The following ANXA8 variants were observed in gnomAD, a reference collection of about 807,000 sequenced individuals.
ANXA8 encodes VAC-beta.
Under a neutral mutation model 26.8 loss-of-function variants are expected in ANXA8, and 9 were observed. That is an observed-to-expected ratio of 0.34 (90% confidence interval 0.20 to 0.59). The LOEUF is 0.59. Among genes scored for constraint, ANXA8 ranks in the 20% least tolerant of loss-of-function variants. ANXA8 has a pLI of 0.84. For missense variants in ANXA8, 83 were observed against 238.5 expected (o/e 0.35, Z 4.29); for synonymous variants, 39 against 94.8 (o/e 0.41, Z 3.42).
chr10:47,603,531 A>G, the ANXA8 span, among the ~76,000 whole-genome samples: 3 of 139,186 alleles, frequency 2.2e-5, no homozygotes, highest in Admixed American at 7.0e-5. Context: ...TTTTTTTTTG[A>G]GACGGAGTCT....
the ANXA8 span, among the ~76,000 whole-genome samples, chr10:47,686,019 G>T: frequency 6.7e-6 from 1 of 150,054 alleles, no homozygotes; most frequent in Admixed American, 6.6e-5. Context: ...CCTATTTTGG[G>T]GTGGGGAATG....
the ANXA8 span, among the ~76,000 whole-genome samples, chr10:47,656,310 A>T: frequency 6.6e-6 from 1 of 151,342 alleles, no homozygotes; most frequent in African/African-American, 2.5e-5. Flanking sequence ...AGGTGGGAGG[A>T]TCTCTTGAGC....
At chr10:47,591,592 C>T in the ANXA8 span, among the ~76,000 whole-genome samples, 4 of 142,516 alleles carry the variant, frequency 2.8e-5, no homozygotes, top group East Asian at 2.0e-4. Flanking sequence ...TACAGGCACC[C>T]GCCACCAGGC....
the ANXA8 span, among the ~76,000 whole-genome samples, chr10:47,579,089 C>T: frequency 4.8e-5 from 7 of 146,710 alleles, no homozygotes; most frequent in African/African-American, 1.3e-4. Flanking sequence ...GTGATCCACC[C>T]GCCTCGGCCT....
chr10:47,525,802 ATT>A, the ANXA8 span, among the ~76,000 whole-genome samples: 32 of 80,512 alleles, frequency 4.0e-4, no homozygotes, highest in East Asian at 6.1e-3. Flanking sequence ...GCTGAACACT[ATT>A]TTTTTTTTTT....
chr10:47,497,384 G>T, the ANXA8 span, among the ~76,000 whole-genome samples: 3 of 135,616 alleles, frequency 2.2e-5, no homozygotes, highest in African/African-American at 2.8e-5. Flanking sequence ...GGGAGGCCAA[G>T]GTGGGTGGAT....
At chr10:47,696,860 T>C in the ANXA8 span, among the ~76,000 whole-genome samples, 1 of 151,042 alleles carries the variant, frequency 6.6e-6, no homozygotes, top group Non-Finnish European at 1.5e-5. Flanking sequence ...CTTATAATTC[T>C]AAAGCATTCC....
At chr10:47,941,644 A>G in the ANXA8 span, among the ~76,000 whole-genome samples, 1 of 145,194 alleles carries the variant, frequency 6.9e-6, no homozygotes, top group Admixed American at 6.7e-5. Flanking sequence ...GTCTCAAAAA[A>G]AGAAAAAAAA....
the ANXA8 span, among the ~76,000 whole-genome samples, chr10:47,965,976 G>T: frequency 1.0e-5 from 1 of 98,550 alleles, no homozygotes; most frequent in South Asian, 4.3e-4. Context: ...TGGGGGAATT[G>T]TTCCACCCTG....
the ANXA8 span, among the ~76,000 whole-genome samples, chr10:47,891,591 TAGAA>T: frequency 8.7e-4 from 1 of 1,148 alleles, no homozygotes; most frequent in African/African-American, 3.6e-3. Flanking sequence ...TACAAATAAA[TAGAA>T]AAAAAAAAAA....
At chr10:47,744,588 T>C in the ANXA8 span, among the ~76,000 whole-genome samples, 1 of 151,584 alleles carries the variant, frequency 6.6e-6, no homozygotes, top group Non-Finnish European at 1.5e-5. Context: ...GGCAGGTGAT[T>C]TGGGCAAATA....
the ANXA8 span, among the ~76,000 whole-genome samples, chr10:47,610,666 G>A: frequency 6.7e-5 from 10 of 149,296 alleles, no homozygotes; most frequent in Non-Finnish European, 1.2e-4. Context: ...TGCAGACAAA[G>A]TTGACTATAC....
At chr10:47,728,958 TAGTC>T in the ANXA8 span, among the ~76,000 whole-genome samples, 1 of 152,188 alleles carries the variant, frequency 6.6e-6, no homozygotes, top group Non-Finnish European at 1.5e-5. Flanking sequence ...TTCTCTATGT[TAGTC>T]AGGCTGGTCT....
chr10:47,566,643 GGT>G, the ANXA8 span, among the ~76,000 whole-genome samples: 1 of 145,294 alleles, frequency 6.9e-6, no homozygotes, highest in Non-Finnish European at 1.5e-5. Context: ...TGGGCCCCAT[GGT>G]GCCAGGGCGT....
chr10:47,907,130 C>G, the ANXA8 span, among the ~76,000 whole-genome samples: 1 of 151,392 alleles, frequency 6.6e-6, no homozygotes, highest in Non-Finnish European at 1.5e-5. Context: ...GCGAGGTGGG[C>G]GGATCACGAG....
chr10:47,982,835 A>ATATATATATATATAT, the ANXA8 span, among the ~76,000 whole-genome samples: 3 of 12,790 alleles, frequency 2.3e-4, no homozygotes, highest in Non-Finnish European at 3.5e-4. Context: ...TATATATATA[A>ATATATATATATATAT]AATTTGATAA....
the ANXA8 span, among the ~76,000 whole-genome samples, chr10:47,931,208 G>A: frequency 1.5e-5 from 2 of 134,782 alleles, no homozygotes; most frequent in Non-Finnish European, 3.2e-5. Flanking sequence ...GGGCAATGGA[G>A]AAGCACTGAA....
the ANXA8 span, among the ~76,000 whole-genome samples, chr10:47,566,460 T>C: frequency 3.3e-5 from 5 of 149,852 alleles, no homozygotes; most frequent in Non-Finnish European, 7.4e-5. Flanking sequence ...CCGCCCCTGC[T>C]CTCTCCCTTC....
chr10:47,500,149 C>G, the ANXA8 span, among the ~76,000 whole-genome samples: 1 of 138,052 alleles, frequency 7.2e-6, no homozygotes, highest in Non-Finnish European at 1.6e-5. Context: ...CAAGTAATTC[C>G]CCCACCTCAG....
Sources: gnomAD v4.1 joint callset for allele counts (sites outside exome capture counted in the v4.1 genomes callset) on GRCh38, gnomAD v4.1.1 for gene constraint, MANE v1.5 for transcripts, NCBI Gene and HGNC (gene_info 2026-07-23, HGNC 2026-07-21) for gene names.